PCDHA8: variants seen among roughly 807,000 people sequenced by gnomAD.
PCDHA8 encodes protocadherin alpha 8, also known as protocadherin alpha-8.
A neutral mutation model predicts 61.8 loss-of-function variants in PCDHA8; 53 were observed. The observed-to-expected ratio is 0.86, with a 90% CI of 0.69 to 1.08. PCDHA8 has a LOEUF of 1.08. PCDHA8 is among the 50% of genes least tolerant of loss of function. The probability of loss-of-function intolerance (pLI) is 0.00; values close to 1 mark genes in which losing one functional copy is unlikely to be tolerated. For synonymous variants in PCDHA8, 618 were observed against 556.6 expected, an observed-to-expected ratio of 1.11 and a Z score of -1.55; for missense variants, 1,293 against 1,245.0, an observed-to-expected ratio of 1.04 and a Z score of -0.58.
intron 1 of PCDHA8, chr5:140,868,990 G>T: frequency 6.6e-7 from 1 of 1,511,604 alleles, no homozygotes; most frequent in Non-Finnish European, 8.8e-7. Flanking sequence ...GGATGCCACC[G>T]TTTAAGGATC....
intron 1 of PCDHA8, chr5:140,856,153 C>T: frequency 1.3e-6 from 2 of 1,598,310 alleles, no homozygotes; most frequent in Non-Finnish European, 1.7e-6. Flanking sequence ...ACTCAGTCTA[C>T]GAGGAGGCCA....
chr5:140,911,666 C>G (rs2075593137), intron 1 of PCDHA8, among the ~76,000 whole-genome samples: 1 of 152,168 alleles, frequency 6.6e-6, no homozygotes, highest in East Asian at 1.9e-4. Flanking sequence ...AACTCCTTGC[C>G]TCTCACGAAC....
intron 1 of PCDHA8, among the ~76,000 whole-genome samples, chr5:140,925,742 AAG>A (rs1403200881): frequency 2.0e-5 from 3 of 151,862 alleles, no homozygotes; most frequent in South Asian, 4.2e-4. Context: ...TATTTACAGA[AAG>A]AAAATTTACA....
Position 140,924,836 on chromosome 5 carries a change from A to G in PCDHA8, c.2395-54113A>G, listed in dbSNP as rs182903893. ...CTTGAACCTGGGAGGGGGAGGTTGC[A>G]GGGAGCTCAGATCGTGCCACTGCAC... On this transcript the variant is annotated intron_variant, in intron 1 of 3. Coordinates refer to ENST00000531613, the MANE Select transcript of PCDHA8 (RefSeq NM_018911.3). Among the ~76,000 whole-genome samples, 1,210 of 151,808 alleles carry G rather than the reference A, an allele frequency of 8.0e-3. 6 individuals carry two copies. Among genetic ancestry groups the G allele is most frequent in the African/African-American group, 0.019 (780 of 41,292 alleles).
chr5:140,956,189 A>C (rs2095264873), intron 1 of PCDHA8, among the ~76,000 whole-genome samples: 1 of 152,142 alleles, frequency 6.6e-6, no homozygotes, highest in South Asian at 2.1e-4. Context: ...ACTATGCTGA[A>C]TAGGAGTGGT....
At chr5:140,966,568 G>A (rs2096022635) in intron 1 of PCDHA8, 1 of 499,094 alleles carries the variant, frequency 2.0e-6, no homozygotes, top group African/African-American at 2.0e-5. Flanking sequence ...CTGGAATATG[G>A]GGAGTCAGCG....
chr5:141,005,535 C>T (rs1254351919), intron 3 of PCDHA8, among the ~76,000 whole-genome samples: 2 of 151,078 alleles, frequency 1.3e-5, no homozygotes, highest in Non-Finnish European at 2.9e-5. Flanking sequence ...AACCCCGTCT[C>T]TACTAAAAAT....
intron 3 of PCDHA8, among the ~76,000 whole-genome samples, chr5:141,000,421 ATTTT>A (rs34755515): frequency 0.018 from 509 of 27,798 alleles, 2 homozygotes; most frequent in African/African-American, 0.027. Context: ...ATATATATAT[ATTTT>A]TTTTTTTTTT....
intron 1 of PCDHA8, chr5:140,850,565 G>A (rs2041680380): frequency 1.3e-6 from 2 of 1,598,414 alleles, no homozygotes; most frequent in East Asian, 4.5e-5. Flanking sequence ...CGGGCCCCGA[G>A]GTGACGCTGG....
intron 1 of PCDHA8, among the ~76,000 whole-genome samples, chr5:140,889,933 A>T (rs1034906344): frequency 7.9e-5 from 12 of 152,188 alleles, no homozygotes; most frequent in African/African-American, 2.9e-4. Context: ...CTCAAGCTGG[A>T]CTTGTGAGAA....
At chr5:140,995,653 G>A (rs964259982) in intron 3 of PCDHA8, among the ~76,000 whole-genome samples, 1 of 152,100 alleles carries the variant, frequency 6.6e-6, no homozygotes, top group Non-Finnish European at 1.5e-5. Context: ...AAGGAGAATC[G>A]AAAAGGGAAG....
At chr5:140,943,624 G>C (rs2093534515) in intron 1 of PCDHA8, among the ~76,000 whole-genome samples, 2 of 152,106 alleles carry the variant, frequency 1.3e-5, no homozygotes, top group African/African-American at 4.8e-5. Context: ...ATCTGCATAA[G>C]GAAGCTGGAT....
chr5:140,872,711 G>A (rs968537483), intron 1 of PCDHA8, among the ~76,000 whole-genome samples: 1 of 152,206 alleles, frequency 6.6e-6, no homozygotes, highest in South Asian at 2.1e-4. Context: ...AAGGAAACTA[G>A]GTAAATAAAA....
intron 1 of PCDHA8, chr5:140,883,560 G>C: frequency 6.2e-7 from 1 of 1,614,184 alleles, no homozygotes; most frequent in South Asian, 1.1e-5. Flanking sequence ...CGGGACGGGG[G>C]CTCGCCTTCG....
At chr5:140,978,914 C>A (rs2096828574) in intron 1 of PCDHA8, 35 bp from the exon 2 acceptor site, 10 of 1,613,852 alleles carry the variant, frequency 6.2e-6, no homozygotes, top group Non-Finnish European at 8.5e-6. Context: ...ATTGTCTTGT[C>A]ATTTTAACAG....
intron 2 of PCDHA8, among the ~76,000 whole-genome samples, chr5:140,979,601 C>T (rs1214449101): frequency 1.3e-5 from 2 of 152,160 alleles, no homozygotes; most frequent in African/African-American, 4.8e-5. Context: ...TTTAAATTAA[C>T]CTAGAGTAAC....
chr5:140,891,637 G>A (rs1245368138), intron 1 of PCDHA8, among the ~76,000 whole-genome samples: 1 of 151,912 alleles, frequency 6.6e-6, no homozygotes, highest in East Asian at 1.9e-4. Context: ...TGCTCTTTGG[G>A]CTTTATTGTG....
intron 3 of PCDHA8, among the ~76,000 whole-genome samples, chr5:141,007,525 G>C (rs782132903): frequency 1.3e-4 from 19 of 151,814 alleles, no homozygotes; most frequent in Non-Finnish European, 2.5e-4. Context: ...CTGATATCTC[G>C]CCACTGCACT....
intron 1 of PCDHA8, chr5:140,857,407 G>C (rs372428918): frequency 6.3e-7 from 1 of 1,598,496 alleles, no homozygotes; most frequent in Admixed American, 1.7e-5. Context: ...ACGCGCCTGC[G>C]TTCGCGCAGT....
Sources: allele counts gnomAD v4.1 joint callset (sites outside exome capture counted in the v4.1 genomes callset), GRCh38; gene constraint gnomAD v4.1.1; transcripts MANE v1.5; gene names NCBI Gene and HGNC (gene_info 2026-07-23, HGNC 2026-07-21).